SULT2B1: variants seen among roughly 807,000 people sequenced by gnomAD.
The protein encoded by SULT2B1 is sulfotransferase 2B1.
A neutral mutation model predicts 33.2 loss-of-function variants in SULT2B1; 16 were observed. The ratio of observed to expected loss-of-function variants is 0.48; its 90% CI spans 0.33 to 0.73. SULT2B1 has a LOEUF of 0.73. Among genes scored for constraint, SULT2B1 ranks in the 30% least tolerant of loss-of-function variants. The pLI, the probability that SULT2B1 is intolerant of heterozygous loss-of-function variation, is 0.02. For synonymous variants in SULT2B1, 186 were observed against 200.5 expected (o/e 0.93, Z 0.61); for missense variants, 500 against 506.0 (o/e 0.99, Z 0.11).
chr19:48,581,097 C>T (rs1470365746), intron 2 of SULT2B1, among the ~76,000 whole-genome samples: 3 of 116,958 alleles, frequency 2.6e-5, no homozygotes, highest in South Asian at 3.0e-4. Context: ...AGTGCAATGG[C>T]GCGATCTCAG....
At chr19:48,596,597 T>G in intron 5 of SULT2B1, 142 bp from the exon 6 acceptor site, 1 of 858,178 alleles carries the variant, frequency 1.2e-6, no homozygotes, top group Non-Finnish European at 1.7e-6. Context: ...AACCCCTCAG[T>G]TTGGAGTTGG....
rs1159840741 is a variant in SULT2B1 at position 48,569,363 on chromosome 19, CATATATATAT to C, written c.72-6551_72-6542del. Among the ~76,000 whole-genome samples, 130 of 33,226 alleles carry C rather than the reference CATATATATAT, an allele frequency of 3.9e-3. 2 individuals carry two copies. The highest frequency in any genetic ancestry group is 0.035 in the East Asian group (44 of 1,244). 21.8% of individuals were successfully genotyped at this position (33,226 alleles called of 152,430 possible). A position where few individuals can be genotyped will look rare whatever the true frequency, so the allele number is the denominator to read the frequency against. ...TCTCAAAAAAAAAAAAAAAAAAAAA[CATATATATAT>C]ATATATATATATATATATATATATA... On this transcript the variant is annotated intron_variant, in intron 1 of 6. Coordinates refer to ENST00000201586, the MANE Select transcript of SULT2B1 (RefSeq NM_177973.2).
chr19:48,596,810 C>T lies in SULT2B1; in HGVS notation c.717C>T (p.Ser239=), dbSNP rs771429001. The T allele has an allele frequency of 9.9e-6, 16 of 1,609,692 alleles. No homozygotes were observed. The East Asian group carries it at 1.1e-4, about 11-fold the overall frequency. The change falls in exon 6 of 7, where the codon TCC becomes TCT. Residue 239 remains serine, a synonymous_variant. Coordinates refer to ENST00000201586, the MANE Select transcript of SULT2B1 (RefSeq NM_177973.2). ...CGCTGGGCAAGGAGGCACTGGGCTC[C>T]GTCGTGGCACACTCAACCTTCAGCG... The part of the protein sequence containing the change: ...GRPLGKEALG[S]VVAHSTFSAM...
At chr19:48,596,658 C>T in intron 5 of SULT2B1, 81 bp from the exon 6 acceptor site, 1 of 1,435,496 alleles carries the variant, frequency 7.0e-7, no homozygotes, top group East Asian at 2.5e-5. Flanking sequence ...AGGTTAGGAC[C>T]CAGACATGCG....
intron 1 of SULT2B1, among the ~76,000 whole-genome samples, chr19:48,562,389 A>G (rs1460119066): frequency 6.6e-6 from 1 of 151,314 alleles, no homozygotes; most frequent in Non-Finnish European, 1.5e-5. Flanking sequence ...TCTGTCTCAA[A>G]AAAAAAAAAA....
intron 1 of SULT2B1, among the ~76,000 whole-genome samples, chr19:48,557,073 G>T (rs1973108647): frequency 6.6e-6 from 1 of 151,784 alleles, no homozygotes. Context: ...AACACAGCAA[G>T]ACCCCGTCTC....
intron 1 of SULT2B1, among the ~76,000 whole-genome samples, chr19:48,565,362 G>A (rs1171298497): frequency 6.6e-6 from 1 of 151,884 alleles, no homozygotes; most frequent in Non-Finnish European, 1.5e-5. Context: ...TTGTGTGTAT[G>A]TGTGAGAGAG....
At chr19:48,581,532 G>A (rs1324603307) in intron 2 of SULT2B1, among the ~76,000 whole-genome samples, 5 of 144,264 alleles carry the variant, frequency 3.5e-5, no homozygotes, top group South Asian at 2.2e-4. Context: ...GTGCAGTGGC[G>A]CGATCTCAGC....
intron 1 of SULT2B1, among the ~76,000 whole-genome samples, chr19:48,555,590 T>TC (rs60898646): frequency 3.4e-4 from 33 of 96,538 alleles, no homozygotes; most frequent in African/African-American, 1.5e-3. Context: ...CTCTCTCTCT[T>TC]TTGAGACAGA....
intron 3 of SULT2B1, among the ~76,000 whole-genome samples, chr19:48,590,572 AGCCTG>A (rs1973631025): frequency 6.6e-6 from 1 of 152,066 alleles, no homozygotes; most frequent in Non-Finnish European, 1.5e-5. Context: ...ACTGCACTCC[AGCCTG>A]GGAGACACAG....
chr19:48,576,453 T>TC (rs34886384), intron 2 of SULT2B1, among the ~76,000 whole-genome samples: 64,171 of 141,252 alleles, frequency 0.45, 15,086 homozygotes, highest in South Asian at 0.58. Flanking sequence ...TGCCTTGGCC[T>TC]CCCAAAGTGC....
chr19:48,572,299 G>A (rs7248376), intron 1 of SULT2B1, among the ~76,000 whole-genome samples: 96,704 of 151,180 alleles, frequency 0.64, 31,655 homozygotes, highest in African/African-American at 0.74. Context: ...CGGATCATGA[G>A]GTCAGGAGAC....
At chr19:48,553,468 C>T (rs1484616177) in intron 1 of SULT2B1, among the ~76,000 whole-genome samples, 4 of 152,076 alleles carry the variant, frequency 2.6e-5, no homozygotes, top group Admixed American at 2.0e-4. Context: ...CCACCATGCC[C>T]GGCTAATTTT....
At chr19:48,553,176 C>G (rs1196179577) in intron 1 of SULT2B1, among the ~76,000 whole-genome samples, 1 of 152,140 alleles carries the variant, frequency 6.6e-6, no homozygotes. Flanking sequence ...GAGACAATCT[C>G]CAACCCCTCG....
chr19:48,553,712 A>G (rs573674143), intron 1 of SULT2B1, among the ~76,000 whole-genome samples: 1 of 152,284 alleles, frequency 6.6e-6, no homozygotes, highest in South Asian at 2.1e-4. Context: ...CTCCAGAGAC[A>G]GGAGCAGTTC....
intron 1 of SULT2B1, among the ~76,000 whole-genome samples, chr19:48,566,930 G>T (rs931302601): frequency 1.3e-5 from 2 of 152,094 alleles, no homozygotes; most frequent in African/African-American, 4.8e-5. Context: ...TTGAACCTGG[G>T]AGGTGCTAGT....
At position 48,599,079 on chromosome 19, in the gene SULT2B1, T is replaced by A; in HGVS notation, c.827-56T>A. The A allele has an allele frequency of 2.0e-6, 3 of 1,527,022 alleles. No individual in the cohort carries two copies. Among genetic ancestry groups the A allele is most frequent in the South Asian group, 2.4e-5 (2 of 82,614 alleles). The allele number at this position is 1,527,022 out of a possible 1,614,324, so 94.6% of individuals were successfully genotyped here. A position where few individuals can be genotyped will look rare whatever the true frequency, so the allele number is the denominator to read the frequency against. On this transcript the variant is annotated intron_variant, in intron 6 of 6. Transcript: ENST00000201586. The surrounding 1 kb of genome is among the most constrained non-coding windows in gnomAD (Gnocchi z 4.1). ...AAGGAGGTTGCTGGAATGTTGGAGG[T>A]AGGGGCGCAGTGCTCCCCAGAGGCT...
At chr19:48,587,842 G>A (rs1973587139) in intron 3 of SULT2B1, among the ~76,000 whole-genome samples, 1 of 126,832 alleles carries the variant, frequency 7.9e-6, no homozygotes, top group Non-Finnish European at 1.6e-5. Flanking sequence ...GCACTGAGCT[G>A]AAATCACCTT....
intron 1 of SULT2B1, among the ~76,000 whole-genome samples, chr19:48,568,730 C>T (rs1035237493): frequency 9.2e-5 from 14 of 152,238 alleles, no homozygotes; most frequent in African/African-American, 2.6e-4. Context: ...TCTCCAAAGG[C>T]GAGTTGATCA....
Sources: gnomAD v4.1 joint callset for allele counts (sites outside exome capture counted in the v4.1 genomes callset) on GRCh38, gnomAD v4.1.1 for gene constraint, Gnocchi (gnomAD v3.1) non-coding constraint, MANE v1.5 for transcripts, NCBI Gene and HGNC (gene_info 2026-07-23, HGNC 2026-07-21) for gene names.